The following IARS2 variants were observed in gnomAD, a reference collection of about 807,000 sequenced individuals.
The protein encoded by IARS2 is isoleucyl-tRNA synthetase 2, mitochondrial.
Under a neutral mutation model 126.3 loss-of-function variants are expected in IARS2, and 56 were observed. The observed-to-expected ratio is 0.44, with a 90% CI of 0.36 to 0.55. The LOEUF (loss-of-function observed/expected upper bound fraction) is 0.55, where lower values mean the gene tolerates loss of function less well. IARS2 is among the 20% of genes least tolerant of loss of function. IARS2 has a pLI of 0.00. For missense variants in IARS2, 1,127 were observed against 1,245.9 expected (o/e 0.90, Z 1.44); for synonymous variants, 407 against 441.1 (o/e 0.92, Z 0.97).
chr1:220,132,689 C>T (rs1263100047), intron 14 of IARS2, among the ~76,000 whole-genome samples: 1 of 151,434 alleles, frequency 6.6e-6, no homozygotes, highest in Non-Finnish European at 1.5e-5. Context: ...CCATGCCTGG[C>T]TAATGTTTGC....
chr1:220,103,344 G>C, intron 7 of IARS2, 103 bp from the exon 8 acceptor site: 2 of 722,482 alleles, frequency 2.8e-6, no homozygotes, highest in Non-Finnish European at 4.7e-6. Flanking sequence ...CACCGCGCTG[G>C]CCTGAAGTCA....
chr1:220,128,674 G>A (rs895223801), intron 14 of IARS2, among the ~76,000 whole-genome samples: 1 of 152,182 alleles, frequency 6.6e-6, no homozygotes, highest in Non-Finnish European at 1.5e-5. Context: ...TTTCAGAAAA[G>A]AGTATGCCAA....
At chr1:220,097,811 G>C (rs1656478893) in intron 2 of IARS2, among the ~76,000 whole-genome samples, 1 of 152,198 alleles carries the variant, frequency 6.6e-6, no homozygotes, top group African/African-American at 2.4e-5. Flanking sequence ...AGCTGCAGCA[G>C]AGGGAGCCAG....
At chr1:220,142,171 C>G (rs1320790707) in intron 20 of IARS2, among the ~76,000 whole-genome samples, 2 of 152,084 alleles carry the variant, frequency 1.3e-5, no homozygotes, top group Non-Finnish European at 2.9e-5. Flanking sequence ...TTGACAGTGT[C>G]GAGAAATCAC....
chr1:220,120,749 G>C (rs966206360), intron 12 of IARS2, among the ~76,000 whole-genome samples: 3 of 152,034 alleles, frequency 2.0e-5, no homozygotes, highest in Non-Finnish European at 4.4e-5. Flanking sequence ...ATGCATTGTG[G>C]AATGGCTAAA....
intron 13 of IARS2, 49 bp from the exon 14 acceptor site, chr1:220,126,701 T>C (rs765359607): frequency 7.5e-7 from 1 of 1,337,986 alleles, no homozygotes; most frequent in Non-Finnish European, 1.1e-6. Context: ...ATTTGTTGTC[T>C]ATATTGTGAT....
At chr1:220,124,624 G>A (rs1268820270) in intron 12 of IARS2, among the ~76,000 whole-genome samples, 1 of 152,198 alleles carries the variant, frequency 6.6e-6, no homozygotes, top group African/African-American at 2.4e-5. Context: ...AATACAAAGT[G>A]ACAGTCAGAA....
intron 22 of IARS2, 147 bp from the exon 23 acceptor site, chr1:220,147,346 T>C: frequency 1.5e-6 from 1 of 683,542 alleles, no homozygotes; most frequent in South Asian, 1.9e-5. Flanking sequence ...CTTGGCTATA[T>C]ATGTAATGGG....
intron 13 of IARS2, among the ~76,000 whole-genome samples, chr1:220,125,651 A>G (rs747644492): frequency 3.9e-5 from 6 of 152,150 alleles, no homozygotes; most frequent in South Asian, 2.1e-4. Context: ...AAAAAAATAT[A>G]AAAATTAGCT....
chr1:220,143,181 C>A (rs777989765), intron 21 of IARS2, 47 bp downstream of exon 21: 2 of 1,418,138 alleles, frequency 1.4e-6, no homozygotes, highest in Admixed American at 2.0e-5. Flanking sequence ...TATCATAGAG[C>A]TTTGCCTGAA....
intron 10 of IARS2, among the ~76,000 whole-genome samples, chr1:220,107,552 GTCTT>G (rs1656705942): frequency 6.6e-6 from 1 of 152,144 alleles, no homozygotes; most frequent in Admixed American, 6.5e-5. Context: ...GCCTTGAATT[GTCTT>G]TCTGTCTTCC....
At chr1:220,141,697 C>A in intron 19 of IARS2, 106 bp from the exon 20 acceptor site, 2 of 1,063,604 alleles carry the variant, frequency 1.9e-6, no homozygotes, top group Non-Finnish European at 2.8e-6. Flanking sequence ...ATGATTAGAG[C>A]CATAGGATTA....
In IARS2 at chr1:220,094,279, G is replaced by C. The variant is rs1656388910; in HGVS notation, c.63G>C (p.Leu21Phe). ...GAAALATARS[L>F]WGTPRLPCSP... The stretch of plus-strand genomic sequence containing the variant: ...CCGCCCTGGCCACTGCCCGAAGTTT[G>C]TGGGGGACGCCCCGCCTTCCCTGCA... The change falls in exon 1 of 23, where the codon TTG becomes TTC. Residue 21 changes from leucine (L) to phenylalanine (F), a missense_variant. By Grantham distance (22) the Leu-to-Phe change is conservative. Transcript: ENST00000366922. 2.5e-6 allele frequency: 4 copies of C among 1,610,280 alleles called. No individual in the cohort carries two copies. Among genetic ancestry groups the C allele is most frequent in the Non-Finnish European group, 3.4e-6 (4 of 1,178,548 alleles).
chr1:220,147,617 A>G lies in IARS2; in HGVS notation c.3021A>G (p.Glu1007=). 2 of 1,614,190 alleles carry G rather than the reference A, an allele frequency of 1.2e-6. No individual in the cohort carries two copies. The highest frequency in any genetic ancestry group is 2.2e-5 in the South Asian group (2 of 91,086). ...SSDTLCPRCA[E]VVSGK is the part of the protein sequence containing the mutation. ...ATACACTGTGTCCTCGATGTGCAGA[A>G]GTTGTCAGTGGAAAATAGTATTAAC... The change falls in exon 23 of 23, where the codon GAA becomes GAG. Residue 1007 remains glutamate, a synonymous_variant. Transcript: ENST00000366922.
In IARS2 at chr1:220,114,300, TG is replaced by T. The variant is rs767241563; in HGVS notation, c.1480-13del. 1.2e-6 allele frequency: 2 copies of T among 1,607,924 alleles called. No homozygotes were observed. ...GCTTTCTCTCACAAGACTTGATTTA[TG>T]AATTAATTGCAGGAATTGTTAAAAA... On this transcript the variant is annotated splice_polypyrimidine_tract_variant and intron_variant, in intron 11 of 22. Coordinates refer to ENST00000366922, the MANE Select transcript of IARS2 (RefSeq NM_018060.4).
chr1:220,113,638 T>TAG (rs1056439620), intron 11 of IARS2, among the ~76,000 whole-genome samples: 3 of 146,710 alleles, frequency 2.0e-5, no homozygotes, highest in Non-Finnish European at 4.4e-5. Context: ...TATATATATA[T>TAG]AGAGAGAGAG....
chr1:220,125,271 C>G lies in IARS2; in HGVS notation c.1675C>G (p.Gln559Glu). Residue 559 changes from glutamine (Q) to glutamate (E), a missense_variant, in exon 13 of 23, where the codon CAA becomes GAA. Physicochemically the swap from Gln to Glu is conservative, Grantham distance 29. Coordinates refer to ENST00000366922, the MANE Select transcript of IARS2 (RefSeq NM_018060.4). Reference sequence around the variant, plus strand: ...TGAGCATATTGTTAAACTAGTGGAACAACACGGCAGTGATATCTGGTGGAC... The same window carrying G: ...TGAGCATATTGTTAAACTAGTGGAAGAACACGGCAGTGATATCTGGTGGAC... ...TTEHIVKLVE[Q>E]HGSDIWWTLP... 1.2e-6 allele frequency: 2 copies of G among 1,613,512 alleles called. No homozygotes were observed. The highest frequency in any genetic ancestry group is 1.7e-6 in the Non-Finnish European group (2 of 1,179,582).
intron 10 of IARS2, among the ~76,000 whole-genome samples, chr1:220,110,444 C>A (rs776941742): frequency 7.2e-5 from 11 of 152,214 alleles, no homozygotes; most frequent in Non-Finnish European, 1.6e-4. Flanking sequence ...CGGCTCACTG[C>A]AACCTCTGCC....
At chr1:220,116,374 T>C (rs1656913741) in intron 12 of IARS2, among the ~76,000 whole-genome samples, 1 of 152,178 alleles carries the variant, frequency 6.6e-6, no homozygotes, top group Non-Finnish European at 1.5e-5. Context: ...TTGAGTGTTG[T>C]TGCTGTTTTT....
Sources: gnomAD v4.1 joint callset for allele counts (sites outside exome capture counted in the v4.1 genomes callset) on GRCh38, gnomAD v4.1.1 for gene constraint, MANE v1.5 for transcripts, NCBI Gene and HGNC (gene_info 2026-07-23, HGNC 2026-07-21) for gene names.